Variants in SSH1 observed in about 807,000 individuals in gnomAD.
The protein encoded by SSH1 is protein phosphatase Slingshot homolog 1.
A neutral mutation model predicts 79.7 loss-of-function variants in SSH1; 43 were observed. That is an observed-to-expected ratio of 0.54 (90% CI 0.42 to 0.70). SSH1 has a LOEUF of 0.70. Ranked by LOEUF, SSH1 falls within the 30% of genes least tolerant of loss-of-function variation. SSH1 has a pLI of 0.00. For missense variants in SSH1, 1,206 were observed against 1,358.8 expected (o/e 0.89, Z 1.77); for synonymous variants, 599 against 538.3 (o/e 1.11, Z -1.56).
intron 2 of SSH1, 78 bp downstream of exon 2, chr12:108,852,560 C>A: frequency 1.3e-6 from 2 of 1,577,716 alleles, no homozygotes; most frequent in Non-Finnish European, 1.7e-6. Flanking sequence ...TGAACGTTTT[C>A]CCTTTGGGAG....
chr12:108,813,050 C>T (rs1015932418), intron 5 of SSH1, among the ~76,000 whole-genome samples: 4 of 151,924 alleles, frequency 2.6e-5, no homozygotes, highest in Admixed American at 1.3e-4. Flanking sequence ...CTTTTTTGTA[C>T]AGATAAGGCC....
At chr12:108,853,269 AAG>A in intron 1 of SSH1, 1 of 985,026 alleles carries the variant, frequency 1.0e-6, no homozygotes, top group Non-Finnish European at 1.2e-6. Flanking sequence ...AAATGCAAGA[AAG>A]AGATATTTAA....
chr12:108,789,101 C>T lies in SSH1; in HGVS notation c.2037G>A (p.Gln679=), dbSNP rs748310209. The T allele has an allele frequency of 6.2e-7, 1 of 1,613,842 alleles. No homozygotes were observed. The change falls in exon 15 of 15, where the codon CAG becomes CAA. Residue 679 remains glutamine (Q), a synonymous_variant. Coordinates refer to ENST00000326495, the MANE Select transcript of SSH1 (RefSeq NM_018984.4). ...EDPNAPAICT[Q]PAFLPHITSS... ...ACGTGATGTGGGGTAGGAAGGCTGG[C>T]TGGGTGCAGATGGCGGGAGCATTGG...
At chr12:108,844,163 A>G (rs1008525412) in intron 2 of SSH1, among the ~76,000 whole-genome samples, 1 of 152,088 alleles carries the variant, frequency 6.6e-6, no homozygotes, top group African/African-American at 2.4e-5. Context: ...TATACTGGCC[A>G]TTTGAAACTA....
rs1366661575 is a variant in SSH1, at chr12:108,788,191, C to T, written c.2947G>A (p.Gly983Arg). The change falls in exon 15 of 15, where the codon GGG (glycine) becomes AGG (arginine). Residue 983 changes from glycine (G) to arginine (R), a missense_variant. Physicochemically the swap from Gly to Arg is moderately radical, Grantham distance 125 (BLOSUM62 -2). This residue lies in a region of SSH1 where 709 missense variants were observed against 730.6 expected (regional missense o/e 0.97). Transcript: ENST00000326495. ...LKRSHSLAKLGSLTFSTEDLS... is the reference protein window; with the variant it reads ...LKRSHSLAKLRSLTFSTEDLS... ...TCTTCCGTTGAGAAGGTGAGACTCC[C>T]CAGCTTGGCAAGAGAGTGTGAGCGC... 2 of 1,613,898 alleles carry T rather than the reference C, an allele frequency of 1.2e-6. No individual in the cohort carries two copies. The highest frequency in any genetic ancestry group is 1.3e-5 in the African/African-American group (1 of 74,868).
intron 3 of SSH1, among the ~76,000 whole-genome samples, chr12:108,819,889 T>C (rs1368121904): frequency 3.9e-5 from 6 of 152,084 alleles, no homozygotes; most frequent in South Asian, 2.1e-4. Context: ...AAAGGAAACA[T>C]TGTGTTTGTT....
intron 6 of SSH1, among the ~76,000 whole-genome samples, chr12:108,809,983 G>A (rs1343173123): frequency 1.3e-5 from 2 of 152,060 alleles, no homozygotes; most frequent in African/African-American, 4.8e-5. Flanking sequence ...CCAGCACTGC[G>A]AGTTCCACCA....
At position 108,779,884 on chromosome 12, in the gene SSH1, A is replaced by G. The variant is rs2036131051; in HGVS notation, c.*8104T>C. ...GAGACGGCGTTTCACCATGTGAGCC[A>G]GGCTGGTCTTGAGCTTCTGACCTCA... On this transcript the variant is annotated 3_prime_UTR_variant, in exon 15 of 15. Coordinates refer to ENST00000326495, the MANE Select transcript of SSH1 (RefSeq NM_018984.4). The G allele has an allele frequency of 6.6e-6, 1 of 152,196 alleles. No homozygotes were observed. The allele number at this position is 152,196 out of a possible 1,614,324, so 9.4% of individuals were successfully genotyped here.
At chr12:108,823,541 G>A (rs920777854) in intron 2 of SSH1, among the ~76,000 whole-genome samples, 180 bp from the exon 3 acceptor site, 1 of 152,210 alleles carries the variant, frequency 6.6e-6, no homozygotes, top group Non-Finnish European at 1.5e-5. Context: ...TTTGCTAAAA[G>A]CTTGCTGCTG....
intron 13 of SSH1, among the ~76,000 whole-genome samples, chr12:108,795,876 C>T (rs1405150575): frequency 1.3e-5 from 2 of 151,872 alleles, no homozygotes; most frequent in Admixed American, 6.6e-5. Context: ...GCCACCCTGA[C>T]CTCTTTTTAT....
intron 2 of SSH1, among the ~76,000 whole-genome samples, chr12:108,823,578 T>G (rs1009767420): frequency 5.3e-5 from 8 of 152,200 alleles, no homozygotes; most frequent in Admixed American, 2.0e-4. Flanking sequence ...AAATAATGCT[T>G]CTGTGACAAC....
chr12:108,803,363 G>GA (rs1371398171), intron 10 of SSH1, among the ~76,000 whole-genome samples: 1 of 132,072 alleles, frequency 7.6e-6, no homozygotes, highest in African/African-American at 2.9e-5. Context: ...ATGGAACGGG[G>GA]GAAAAAAAAA....
intron 2 of SSH1, among the ~76,000 whole-genome samples, chr12:108,828,124 C>T (rs1482013151): frequency 6.6e-6 from 1 of 152,116 alleles, no homozygotes; most frequent in Non-Finnish European, 1.5e-5. Context: ...GGAATAAGTA[C>T]CCTAAGAAAG....
At chr12:108,831,602 G>A (rs936925929) in intron 2 of SSH1, among the ~76,000 whole-genome samples, 14 of 152,146 alleles carry the variant, frequency 9.2e-5, no homozygotes, top group African/African-American at 2.9e-4. Flanking sequence ...GCAGATGCAC[G>A]TACACACAGG....
rs188596793 is a variant in SSH1 at position 108,809,407 on chromosome 12, T to C, written c.536+286A>G. On this transcript the variant is annotated intron_variant, in intron 7 of 14. Transcript: ENST00000326495. Reference sequence around the variant, plus strand: ...GGGAGGTCAAGGCTGCAGTGAACCATGATCACACCACTGCACCCCAGCCTG... The same window carrying C: ...GGGAGGTCAAGGCTGCAGTGAACCACGATCACACCACTGCACCCCAGCCTG... 1.7e-3 allele frequency among the ~76,000 whole-genome samples: 259 copies of C among 148,614 alleles called. 5 individuals are homozygous for C. The highest frequency in any genetic ancestry group is 0.017 in the Admixed American group (255 of 14,848).
intron 2 of SSH1, among the ~76,000 whole-genome samples, chr12:108,844,706 C>T (rs573486847): frequency 2.2e-4 from 34 of 152,292 alleles, no homozygotes; most frequent in African/African-American, 5.5e-4. Flanking sequence ...ACATTAAAGG[C>T]GGTAAGACAG....
At chr12:108,798,604 G>A (rs1842137740) in intron 13 of SSH1, among the ~76,000 whole-genome samples, 1 of 152,212 alleles carries the variant, frequency 6.6e-6, no homozygotes, top group Admixed American at 6.5e-5. Flanking sequence ...TGGTTGCTGT[G>A]CCTCTCCGAG....
chr12:108,819,772 T>C (rs2038047099), intron 3 of SSH1, among the ~76,000 whole-genome samples: 1 of 152,170 alleles, frequency 6.6e-6, no homozygotes, highest in South Asian at 2.1e-4. Context: ...GAGATCACCC[T>C]GGGCAACACG....
chr12:108,825,986 T>A (rs1486880111), intron 2 of SSH1: 3 of 392,004 alleles, frequency 7.7e-6, no homozygotes, highest in African/African-American at 2.1e-5. Flanking sequence ...ATGCGAGAGG[T>A]TCCAAACTCA....
Sources: gnomAD v4.1 joint callset for allele counts (sites outside exome capture counted in the v4.1 genomes callset) on GRCh38, gnomAD v4.1.1 for gene constraint, gnomAD v4.1.1 regional missense constraint, MANE v1.5 for transcripts, NCBI Gene and HGNC (gene_info 2026-07-23, HGNC 2026-07-21) for gene names.